KIF1B: variants seen among roughly 807,000 people sequenced by gnomAD.
KIF1B encodes the protein kinesin family member 1B.
In KIF1B, 76 loss-of-function variants were observed where a neutral mutation model predicts 241.9. That is an observed-to-expected ratio of 0.31 (90% CI 0.26 to 0.38). KIF1B has a LOEUF of 0.38. Ranked by LOEUF, KIF1B falls within the 10% of genes least tolerant of loss-of-function variation. The pLI is 1.00. For synonymous variants in KIF1B, 750 were observed against 796.7 expected (o/e 0.94, Z 0.99); for missense variants, 1,622 against 2,271.4 (o/e 0.71, Z 5.81).
In KIF1B at chr1:10,326,727, T is replaced by C. The variant is rs549687844; in HGVS notation, c.2924+368T>C. Among the ~76,000 whole-genome samples, 1 of 152,292 alleles carries C rather than the reference T, an allele frequency of 6.6e-6. No individual in the cohort carries two copies. The highest frequency in any genetic ancestry group is 2.4e-5 in the African/African-American group (1 of 41,554). On this transcript the variant is annotated intron_variant, in intron 27 of 48. Transcript: ENST00000676179. The surrounding 1 kb of genome is among the most constrained non-coding windows in gnomAD (Gnocchi z 5.2). ...AGTATTATGGTCTAGATGTTTCCTT[T>C]TTAAAGGATTGTGATTGAAAAAGCA...
intron 2 of KIF1B, among the ~76,000 whole-genome samples, chr1:10,235,884 G>T (rs1423398462): frequency 1.7e-5 from 2 of 120,890 alleles, no homozygotes; most frequent in East Asian, 2.4e-4. Context: ...AAAAAAAAAA[G>T]CATAAATGAG....
At chr1:10,296,214 T>G (rs1010044802) in intron 19 of KIF1B, among the ~76,000 whole-genome samples, 2 of 152,216 alleles carry the variant, frequency 1.3e-5, no homozygotes, top group Admixed American at 1.3e-4. Context: ...ACTCATTCCC[T>G]TATCAAAATA....
intron 2 of KIF1B, among the ~76,000 whole-genome samples, chr1:10,244,349 T>G (rs1162709137): frequency 6.7e-6 from 1 of 149,368 alleles, no homozygotes; most frequent in East Asian, 1.9e-4. Context: ...AGTTTCGCTC[T>G]TGTTGCCCAG....
intron 43 of KIF1B, among the ~76,000 whole-genome samples, chr1:10,366,266 T>A (rs940692181): frequency 2.0e-5 from 3 of 151,822 alleles, no homozygotes; most frequent in South Asian, 4.2e-4. Flanking sequence ...ATTAAAAAAT[T>A]AAAAAATATA....
At chr1:10,213,162 T>G (rs1248037424) in intron 1 of KIF1B, among the ~76,000 whole-genome samples, 1 of 144,212 alleles carries the variant, frequency 6.9e-6, no homozygotes, top group Non-Finnish European at 1.5e-5. Context: ...TTTTTAGAGT[T>G]ACTTTATTAG....
intron 39 of KIF1B, 91 bp downstream of exon 39, chr1:10,361,134 T>C: frequency 1.2e-6 from 1 of 840,046 alleles, no homozygotes. Context: ...AGATTCCACT[T>C]GTTTTGTCCT....
chr1:10,377,970 C>T lies in KIF1B; in HGVS notation c.*1383C>T, dbSNP rs1394182920. 1 of 261,078 alleles carries T rather than the reference C, an allele frequency of 3.8e-6. No homozygotes were observed. 16.2% of individuals were successfully genotyped at this position (261,078 alleles called of 1,614,324 possible). On this transcript the variant is annotated 3_prime_UTR_variant, in exon 49 of 49. Transcript: ENST00000676179. ...AAAAAATAATAATGCTGGGTAGTGA[C>T]CTTGTGATTGTTACAGCTCCCTTTG... is the stretch of plus-strand genomic sequence containing the variant.
intron 2 of KIF1B, among the ~76,000 whole-genome samples, chr1:10,244,760 C>G (rs541102047): frequency 6.6e-6 from 1 of 151,956 alleles, no homozygotes; most frequent in South Asian, 2.1e-4. Flanking sequence ...CTACAGGCGC[C>G]CACCACCACG....
chr1:10,346,034 G>T, intron 35 of KIF1B, 81 bp downstream of exon 35: 1 of 913,320 alleles, frequency 1.1e-6, no homozygotes, highest in South Asian at 1.4e-5. Context: ...CTTGTATTTG[G>T]GTTCATGAAT....
chr1:10,304,142 T>C, intron 22 of KIF1B: 1 of 1,614,002 alleles, frequency 6.2e-7, no homozygotes. Flanking sequence ...GATGAGGTTA[T>C]AGAGCTTAGG....
chr1:10,297,264 G>A lies in KIF1B; in HGVS notation c.2115+18G>A, dbSNP rs1362822601. 2 of 1,608,126 alleles carry A rather than the reference G, an allele frequency of 1.2e-6. No individual in the cohort carries two copies. Among genetic ancestry groups the A allele is most frequent in the African/African-American group, 1.3e-5 (1 of 74,802 alleles). On this transcript the variant is annotated intron_variant, in intron 22 of 48. Coordinates refer to ENST00000676179, the MANE Select transcript of KIF1B (RefSeq NM_001365951.3). ...AGAGACTGGTAGGAGTCCTGAATCT[G>A]CTAAACTGTTGGGAAAAGGGCAGCT...
At chr1:10,260,032 G>A (rs577531245) in intron 4 of KIF1B, among the ~76,000 whole-genome samples, 1 of 152,144 alleles carries the variant, frequency 6.6e-6, no homozygotes, top group Admixed American at 6.5e-5. Flanking sequence ...CTTAAGGGTG[G>A]GGGTACATTT....
At chr1:10,371,636 T>C (rs1435430124) in intron 45 of KIF1B, among the ~76,000 whole-genome samples, 5 of 152,178 alleles carry the variant, frequency 3.3e-5, no homozygotes, top group Admixed American at 6.5e-5. Flanking sequence ...CCACAGCAAA[T>C]TATGTAGGTA....
At chr1:10,261,202 A>G (rs890546783) in intron 4 of KIF1B, among the ~76,000 whole-genome samples, 3 of 151,656 alleles carry the variant, frequency 2.0e-5, no homozygotes, top group African/African-American at 7.3e-5. Context: ...CCTGGCCTCA[A>G]GTGATCTGCC....
At chr1:10,347,957 C>G in intron 36 of KIF1B, 130 bp downstream of exon 36, 1 of 720,176 alleles carries the variant, frequency 1.4e-6, no homozygotes, top group Non-Finnish European at 2.3e-6. Context: ...GTCCTGTTGT[C>G]ATTTTTTTTT....
intron 48 of KIF1B, among the ~76,000 whole-genome samples, chr1:10,375,758 G>A (rs61778406): frequency 0.33 from 47,400 of 145,002 alleles, 7,924 homozygotes; most frequent in Middle Eastern, 0.4. Flanking sequence ...AGGAAAGGAA[G>A]AATTTTTCTT....
intron 14 of KIF1B, among the ~76,000 whole-genome samples, chr1:10,281,850 C>G (rs78972383): frequency 2.0e-5 from 3 of 152,132 alleles, no homozygotes; most frequent in Non-Finnish European, 4.4e-5. Flanking sequence ...CTGAATTACA[C>G]GTAACACTGA....
At chr1:10,219,368 G>A (rs144059243) in intron 1 of KIF1B, among the ~76,000 whole-genome samples, 2,807 of 152,228 alleles carry the variant, frequency 0.018, 39 homozygotes, top group Non-Finnish European at 0.027. Flanking sequence ...ACTGAGGCAA[G>A]AGAATCACTT....
At chr1:10,254,696 G>GA (rs1373663575) in intron 2 of KIF1B, among the ~76,000 whole-genome samples, 4 of 151,900 alleles carry the variant, frequency 2.6e-5, no homozygotes, top group Admixed American at 2.6e-4. Flanking sequence ...CTAACACGGT[G>GA]AAACCCCGTC....
Sources: gnomAD v4.1 joint callset for allele counts (sites outside exome capture counted in the v4.1 genomes callset) on GRCh38, gnomAD v4.1.1 for gene constraint, Gnocchi (gnomAD v3.1) non-coding constraint, MANE v1.5 for transcripts, NCBI Gene and HGNC (gene_info 2026-07-23, HGNC 2026-07-21) for gene names.